The following DAB1 variants were observed in gnomAD, a reference collection of about 807,000 sequenced individuals.
DAB1 encodes DAB adaptor protein 1.
Under a neutral mutation model 64.6 loss-of-function variants are expected in DAB1, and 15 were observed. The ratio of observed to expected loss-of-function variants is 0.23; its 90% CI spans 0.16 to 0.36. The LOEUF (loss-of-function observed/expected upper bound fraction) is 0.36. DAB1 is among the 10% of genes least tolerant of loss of function. The pLI, the probability that DAB1 is intolerant of heterozygous loss-of-function variation, is 1.00. For missense variants in DAB1, 596 were observed against 706.7 expected (o/e 0.84, Z 1.78); for synonymous variants, 235 against 251.9 (o/e 0.93, Z 0.64).
intron 6 of DAB1, among the ~76,000 whole-genome samples, chr1:57,808,985 TCA>T (rs1156849066): frequency 2.6e-5 from 4 of 152,186 alleles, no homozygotes; most frequent in Non-Finnish European, 5.9e-5. Flanking sequence ...AGACGCTGCT[TCA>T]CAGACTTTGG....
intron 2 of DAB1, among the ~76,000 whole-genome samples, chr1:57,242,840 T>A (rs1668591299): frequency 6.6e-6 from 1 of 152,196 alleles, no homozygotes; most frequent in Admixed American, 6.6e-5. Context: ...TTTCAAAACA[T>A]ATTTAAAGAG....
At chr1:57,792,807 G>A (rs1053477109) in intron 6 of DAB1, among the ~76,000 whole-genome samples, 1 of 152,286 alleles carries the variant, frequency 6.6e-6, no homozygotes, top group South Asian at 2.1e-4. Context: ...GGCCTTGCAT[G>A]TAACAGGAGC....
At chr1:57,711,640 G>C (rs1011182630) in intron 6 of DAB1, among the ~76,000 whole-genome samples, 2 of 152,214 alleles carry the variant, frequency 1.3e-5, no homozygotes, top group African/African-American at 4.8e-5. Context: ...TTGTTAGAAA[G>C]ACAGATTGGG....
intron 6 of DAB1, among the ~76,000 whole-genome samples, chr1:57,813,300 A>G (rs1002674632): frequency 1.3e-5 from 2 of 152,236 alleles, no homozygotes; most frequent in African/African-American, 4.8e-5. Flanking sequence ...GAACACTTGC[A>G]TATCTTTTAG....
At chr1:57,077,045 G>T (rs78571196) in intron 4 of DAB1, among the ~76,000 whole-genome samples, 2 of 152,174 alleles carry the variant, frequency 1.3e-5, no homozygotes, top group Non-Finnish European at 2.9e-5. Flanking sequence ...TATATTAAAA[G>T]TGTGCCCAGT....
At chr1:58,194,337 A>G (rs1320158196) in intron 4 of DAB1, among the ~76,000 whole-genome samples, 1 of 152,238 alleles carries the variant, frequency 6.6e-6, no homozygotes, top group African/African-American at 2.4e-5. Flanking sequence ...TATGATGAAC[A>G]TAGTTATTAT....
chr1:57,380,372 T>G (rs1441060445), intron 1 of DAB1, among the ~76,000 whole-genome samples: 1 of 152,216 alleles, frequency 6.6e-6, no homozygotes, highest in Non-Finnish European at 1.5e-5. Context: ...ACTTAATCTC[T>G]TCTGTTACCA....
chr1:57,821,496 C>T (rs992957866), downstream of DAB1, among the ~76,000 whole-genome samples: 1 of 152,210 alleles, frequency 6.6e-6, no homozygotes. Flanking sequence ...TGGCATTTCT[C>T]CCTTTCCCAT....
intron 1 of DAB1, among the ~76,000 whole-genome samples, chr1:57,352,630 G>C (rs944270223): frequency 6.6e-6 from 1 of 152,078 alleles, no homozygotes; most frequent in African/African-American, 2.4e-5. Context: ...TTTGTCTAAA[G>C]ATACACAGAA....
chr1:58,535,691 C>G (rs1256747239), intron 1 of DAB1, among the ~76,000 whole-genome samples: 1 of 151,488 alleles, frequency 6.6e-6, no homozygotes. Context: ...CCACAGGGCA[C>G]ATAACATGTG....
intron 9 of DAB1, among the ~76,000 whole-genome samples, chr1:57,060,768 A>G (rs1477618825): frequency 6.6e-6 from 1 of 152,066 alleles, no homozygotes; most frequent in Non-Finnish European, 1.5e-5. Context: ...GACCAGAAGG[A>G]GGTAGATTAG....
intron 6 of DAB1, among the ~76,000 whole-genome samples, chr1:57,681,847 G>C (rs900242875): frequency 6.6e-6 from 1 of 152,122 alleles, no homozygotes; most frequent in African/African-American, 2.4e-5. Flanking sequence ...AAAATGGGAA[G>C]ATTAATTAGA....
At chr1:58,265,231 G>T (rs1359768388) in intron 4 of DAB1, among the ~76,000 whole-genome samples, 2 of 152,174 alleles carry the variant, frequency 1.3e-5, no homozygotes, top group African/African-American at 4.8e-5. Flanking sequence ...AGGTGGCACG[G>T]CTTACCCAAG....
intron 6 of DAB1, among the ~76,000 whole-genome samples, chr1:57,697,664 T>C (rs1425441812): frequency 1.3e-5 from 2 of 152,132 alleles, no homozygotes; most frequent in African/African-American, 4.8e-5. Flanking sequence ...ATGAAATGCC[T>C]TCAGTTTTCA....
intron 4 of DAB1, among the ~76,000 whole-genome samples, chr1:57,116,461 C>CAAAAAAAAAAA (rs61590002): frequency 9.7e-5 from 7 of 71,972 alleles, no homozygotes; most frequent in African/African-American, 2.2e-4. Context: ...GACTCTGTCT[C>CAAAAAAAAAAA]AAAAAAAAAA....
At chr1:58,270,260 G>A (rs1418564186) in intron 4 of DAB1, among the ~76,000 whole-genome samples, 2 of 131,802 alleles carry the variant, frequency 1.5e-5, no homozygotes, top group South Asian at 2.9e-4. Context: ...AGTTTTCCCA[G>A]CACCATTTAT....
At chr1:58,023,939 A>C (rs1198020586) in intron 5 of DAB1, among the ~76,000 whole-genome samples, 3 of 152,148 alleles carry the variant, frequency 2.0e-5, no homozygotes, top group East Asian at 3.9e-4. Flanking sequence ...CTATCATGTA[A>C]TGTAGATATA....
intron 7 of DAB1, among the ~76,000 whole-genome samples, chr1:57,596,110 G>T (rs930734670): frequency 6.6e-6 from 1 of 152,042 alleles, no homozygotes; most frequent in Non-Finnish European, 1.5e-5. Flanking sequence ...CCTTTGTTAG[G>T]CTGATTCTCT....
At chr1:57,865,646 C>T (rs936238925) in intron 1 of DAB1, among the ~76,000 whole-genome samples, 10 of 152,144 alleles carry the variant, frequency 6.6e-5, no homozygotes, top group Admixed American at 5.2e-4. Flanking sequence ...AAATGCTCAT[C>T]ATCACCTCAC....
Sources: gnomAD v4.1 joint callset for allele counts (sites outside exome capture counted in the v4.1 genomes callset) on GRCh38, gnomAD v4.1.1 for gene constraint, MANE v1.5 for transcripts, NCBI Gene and HGNC (gene_info 2026-07-23, HGNC 2026-07-21) for gene names.